HHLA1: variants seen among roughly 807,000 people sequenced by gnomAD.
The protein encoded by HHLA1 is HHLA1 neighbor of OC90.
Under a neutral mutation model 69.9 loss-of-function variants are expected in HHLA1, and 72 were observed. The ratio of observed to expected loss-of-function variants is 1.03; its 90% CI spans 0.85 to 1.25. HHLA1 has a LOEUF of 1.25. Among genes scored for constraint, HHLA1 ranks in the 50% most tolerant of loss-of-function variants. The pLI is 0.00. For missense variants in HHLA1, 685 were observed against 642.2 expected, an observed-to-expected ratio of 1.07 and a Z score of -0.72; for synonymous variants, 252 against 233.2, an observed-to-expected ratio of 1.08 and a Z score of -0.73.
chr8:132,087,455 GT>G (rs1249326962), intron 10 of HHLA1, among the ~76,000 whole-genome samples, 197 bp downstream of exon 10: 1 of 152,194 alleles, frequency 6.6e-6, no homozygotes. Flanking sequence ...ATTGCCATGT[GT>G]TGGGGGGAAG....
chr8:132,097,271 A>G (rs1320334254), intron 5 of HHLA1, among the ~76,000 whole-genome samples: 1 of 152,240 alleles, frequency 6.6e-6, no homozygotes, highest in African/African-American at 2.4e-5. Context: ...GGCCCCTTCA[A>G]AGATCAGCTG....
intron 8 of HHLA1, among the ~76,000 whole-genome samples, chr8:132,089,264 C>T (rs1235687756): frequency 3.9e-5 from 6 of 152,160 alleles, no homozygotes; most frequent in South Asian, 4.1e-4. Flanking sequence ...AGTCTGCCTA[C>T]GTTCCTTAAA....
chr8:132,080,447 G>A (rs1028663534), intron 10 of HHLA1: 3 of 281,298 alleles, frequency 1.1e-5, no homozygotes, highest in African/African-American at 2.3e-5. Flanking sequence ...GGGTCTCAAG[G>A]TGCTCAGTGG....
At chr8:132,107,251 T>A (rs1824216419) in intron 1 of HHLA1, among the ~76,000 whole-genome samples, 2 of 152,184 alleles carry the variant, frequency 1.3e-5, no homozygotes, top group South Asian at 4.1e-4. Context: ...TTCATTATGT[T>A]AACCACCCTC....
chr8:132,065,284 G>C (rs868622500), intron 16 of HHLA1, among the ~76,000 whole-genome samples: 1 of 152,218 alleles, frequency 6.6e-6, no homozygotes, highest in Middle Eastern at 3.4e-3. Context: ...AAGAATTTCA[G>C]TATTTGTGGG....
intron 6 of HHLA1, 48 bp downstream of exon 6, chr8:132,095,655 A>G (rs1824011938): frequency 1.3e-6 from 2 of 1,530,404 alleles, no homozygotes; most frequent in Middle Eastern, 1.7e-4. Context: ...CAGCCCTGCA[A>G]CACATCCCTA....
chr8:132,101,699 G>T (rs1824113967), intron 3 of HHLA1, among the ~76,000 whole-genome samples: 1 of 151,434 alleles, frequency 6.6e-6, no homozygotes, highest in African/African-American at 2.4e-5. Flanking sequence ...TCAGCCTCCT[G>T]AGTAGCTGGG....
chr8:132,065,105 T>A (rs886475412), intron 16 of HHLA1, among the ~76,000 whole-genome samples: 2 of 152,154 alleles, frequency 1.3e-5, no homozygotes, highest in South Asian at 4.1e-4. Context: ...TTTGGGATAT[T>A]TTTTGCAGAA....
At chr8:132,108,539 G>A (rs922492523) in intron 1 of HHLA1, among the ~76,000 whole-genome samples, 1 of 152,020 alleles carries the variant, frequency 6.6e-6, no homozygotes. Context: ...TTTCTTCCGT[G>A]ACACTTGCAG....
At position 132,080,456 on chromosome 8, in the gene HHLA1, G is replaced by A. The variant is rs374940262; in HGVS notation, c.677-490C>T. The A allele has an allele frequency of 2.9e-3, 775 of 268,724 alleles. 6 individuals carry two copies. The highest frequency in any genetic ancestry group is 0.017 in the African/African-American group (733 of 42,954). 16.6% of individuals were successfully genotyped at this position (268,724 alleles called of 1,614,324 possible). On this transcript the variant is annotated intron_variant, in intron 10 of 16. Transcript: ENST00000414222. ...GAGTGGGGGTCTCAAGGTGCTCAGT[G>A]GGGGTGCTTTTTGAGCCAGGATGAG...
chr8:132,084,304 G>A (rs1234012502), intron 10 of HHLA1, among the ~76,000 whole-genome samples: 1 of 151,986 alleles, frequency 6.6e-6, no homozygotes, highest in East Asian at 1.9e-4. Context: ...GCCTGGGGAG[G>A]AAGGGAGAGG....
intron 3 of HHLA1, among the ~76,000 whole-genome samples, chr8:132,100,374 AG>A (rs1243830818): frequency 6.7e-6 from 1 of 149,480 alleles, no homozygotes; most frequent in African/African-American, 2.6e-5. Context: ...ATTCTGATAC[AG>A]GGGGTCTAAT....
In HHLA1 at chr8:132,076,560, G is replaced by A; in HGVS notation, c.1172-17C>T. 6.7e-7 allele frequency: 1 copy of A among 1,500,374 alleles called. No individual in the cohort carries two copies. Among genetic ancestry groups the A allele is most frequent in the Non-Finnish European group, 8.9e-7 (1 of 1,122,362 alleles). 92.9% of individuals were successfully genotyped at this position (1,500,374 alleles called of 1,614,324 possible). On this transcript the variant is annotated splice_polypyrimidine_tract_variant and intron_variant, in intron 12 of 16. Transcript: ENST00000414222. ...TGAATGCTCCTGGGAGGAGATGAGA[G>A]AGAGGTGAGCCTGCATCTCTTCTAG...
At chr8:132,106,549 G>T (rs1270024495) in intron 1 of HHLA1, among the ~76,000 whole-genome samples, 1 of 152,154 alleles carries the variant, frequency 6.6e-6, no homozygotes, top group Non-Finnish European at 1.5e-5. Context: ...ACTCTCACAG[G>T]GTCTTTGTGA....
intron 13 of HHLA1, 99 bp downstream of exon 13, chr8:132,076,376 T>C (rs2130880742): frequency 3.6e-6 from 3 of 837,804 alleles, no homozygotes; most frequent in Non-Finnish European, 5.7e-6. Flanking sequence ...CTGCTTAGAT[T>C]GCTTACTGGT....
intron 3 of HHLA1, among the ~76,000 whole-genome samples, chr8:132,101,766 G>A (rs1287141379): frequency 1.3e-5 from 2 of 151,984 alleles, no homozygotes; most frequent in African/African-American, 4.8e-5. Flanking sequence ...TAGATCTGGG[G>A]TTTCACCATG....
At chr8:132,101,121 GA>G (rs1824104265) in intron 3 of HHLA1, 2 of 1,487,170 alleles carry the variant, frequency 1.3e-6, no homozygotes, top group African/African-American at 1.4e-5. Context: ...GCAGGATGGA[GA>G]AGGTGCTGTA....
At chr8:132,105,334 G>T in intron 1 of HHLA1, 48 bp from the exon 2 acceptor site, 1 of 1,192,100 alleles carries the variant, frequency 8.4e-7, no homozygotes, top group Non-Finnish European at 1.2e-6. Context: ...CATGGATGCA[G>T]ACCTTCCTTT....
rs751469382 is a variant in HHLA1 at position 132,089,578 on chromosome 8, T to C, written c.470A>G (p.Asp157Gly). ...DLSDFTALLVDIIGNSTSYLT... is the reference protein window; with the variant it reads ...DLSDFTALLVGIIGNSTSYLT... ...GTAGCTGGTAGAATTGCCGATGATA[T>C]CTACCAGTAGAGCTGTAAAATCTGC... The change falls in exon 8 of 17, where the codon GAT (aspartate) becomes GGT (glycine). Residue 157 changes from aspartate (D) to glycine (G), a missense_variant. Transcript: ENST00000414222. The C allele has an allele frequency of 2.7e-6, 4 of 1,499,746 alleles. No individual in the cohort carries two copies. In the South Asian group the frequency reaches 4.8e-5, roughly 18 times the overall value. The allele number at this position is 1,499,746 out of a possible 1,614,324, so 92.9% of individuals were successfully genotyped here.
Sources: allele counts gnomAD v4.1 joint callset (sites outside exome capture counted in the v4.1 genomes callset), GRCh38; gene constraint gnomAD v4.1.1; transcripts MANE v1.5; gene names NCBI Gene and HGNC (gene_info 2026-07-23, HGNC 2026-07-21).